The following ZCCHC7 variants were observed in gnomAD, a reference collection of about 807,000 sequenced individuals.
The protein encoded by ZCCHC7 is zinc finger CCHC-type containing 7.
ZCCHC7 carries 35 observed loss-of-function variants against 52.0 expected under a neutral mutation model. The ratio of observed to expected loss-of-function variants is 0.67; its 90% confidence interval spans 0.51 to 0.89. ZCCHC7 has a LOEUF of 0.89. ZCCHC7 is among the 40% of genes least tolerant of loss of function. ZCCHC7 has a pLI of 0.00. For missense variants in ZCCHC7, 574 were observed against 649.1 expected (o/e 0.88, Z 1.26); for synonymous variants, 217 against 221.5 (o/e 0.98, Z 0.18).
At chr9:37,297,368 A>T (rs1293388806) in intron 2 of ZCCHC7, among the ~76,000 whole-genome samples, 2 of 152,218 alleles carry the variant, frequency 1.3e-5, no homozygotes, top group Non-Finnish European at 2.9e-5. Flanking sequence ...CTTTTACATG[A>T]GAGAGATTCA....
Position 37,187,312 on chromosome 9 carries a change from T to C in ZCCHC7, c.610+60370T>C, listed in dbSNP as rs546193149. The stretch of plus-strand genomic sequence containing the variant: ...AGTTTCGAGATGAAACTGTTCCACC[T>C]CAGATCATCAGACATTAGATTATCA... On this transcript the variant is annotated intron_variant, in intron 2 of 8. Coordinates refer to ENST00000336755, the MANE Select transcript of ZCCHC7 (RefSeq NM_032226.3). Among the ~76,000 whole-genome samples the C allele has an allele frequency of 1.1e-4, 16 of 152,332 alleles. No homozygotes were observed. The South Asian group carries it at 3.3e-3, about 32-fold the overall frequency.
intron 2 of ZCCHC7, among the ~76,000 whole-genome samples, chr9:37,267,656 G>A (rs1227817105): frequency 1.4e-5 from 2 of 139,818 alleles, no homozygotes; most frequent in East Asian, 2.2e-4. Context: ...TGCAAGCTCC[G>A]CCTCCCAGCT....
intron 6 of ZCCHC7, among the ~76,000 whole-genome samples, chr9:37,340,928 A>G (rs1159051708): frequency 2.0e-5 from 3 of 152,200 alleles, no homozygotes; most frequent in African/African-American, 4.8e-5. Flanking sequence ...TTAGAATTTC[A>G]TAGCACAATA....
At chr9:37,127,015 A>T in intron 2 of ZCCHC7, 73 bp downstream of exon 2, 1 of 1,532,720 alleles carries the variant, frequency 6.5e-7, no homozygotes, top group Non-Finnish European at 8.8e-7. Context: ...TAGAGAAAAG[A>T]CCAATAGGGT....
In ZCCHC7 at chr9:37,126,665, A is replaced by G; in HGVS notation, c.333A>G (p.Gln111=). The G allele has an allele frequency of 6.2e-7, 1 of 1,614,208 alleles. No individual in the cohort carries two copies. Among genetic ancestry groups the G allele is most frequent in the Non-Finnish European group, 8.5e-7 (1 of 1,180,032 alleles). ...GTAAAGGAAAGAATGTTAGAGTTCA[A>G]GCACAAGAAAATGCCCATGGTCTTT... ...YRCKGKNVRV[Q]AQENAHGLSS... Residue 111 remains glutamine (Q), a synonymous_variant, in exon 2 of 9, where the codon CAA becomes CAG. Coordinates refer to ENST00000336755, the MANE Select transcript of ZCCHC7 (RefSeq NM_032226.3).
At chr9:37,355,022 C>A (rs367739699) in intron 8 of ZCCHC7, among the ~76,000 whole-genome samples, 198 bp downstream of exon 8, 6 of 152,182 alleles carry the variant, frequency 3.9e-5, no homozygotes, top group African/African-American at 1.4e-4. Context: ...AATCTCCTCA[C>A]AGTAAACATT....
At chr9:37,291,200 A>G (rs1363663202) in intron 2 of ZCCHC7, among the ~76,000 whole-genome samples, 1 of 152,240 alleles carries the variant, frequency 6.6e-6, no homozygotes, top group African/African-American at 2.4e-5. Flanking sequence ...TTTTAGATGA[A>G]TCAGAAGATG....
At chr9:37,277,465 G>GA (rs558259858) in intron 2 of ZCCHC7, among the ~76,000 whole-genome samples, 59 of 151,918 alleles carry the variant, frequency 3.9e-4, no homozygotes, top group African/African-American at 1.4e-3. Context: ...AACATAGTGA[G>GA]ACCCCCCCAT....
intron 1 of ZCCHC7, 197 bp downstream of exon 1, chr9:37,120,820 T>G: frequency 3.7e-6 from 1 of 271,262 alleles, no homozygotes; most frequent in Non-Finnish European, 6.8e-6. Flanking sequence ...GCTGCGGGTC[T>G]AGGGGGTCCG....
intron 2 of ZCCHC7, among the ~76,000 whole-genome samples, chr9:37,222,783 A>C (rs906880087): frequency 2.0e-5 from 3 of 152,154 alleles, no homozygotes; most frequent in Non-Finnish European, 4.4e-5. Flanking sequence ...AAGGGCTTTT[A>C]GTCTAATTGT....
chr9:37,280,884 T>G (rs750800454), intron 2 of ZCCHC7, among the ~76,000 whole-genome samples: 2 of 152,088 alleles, frequency 1.3e-5, no homozygotes, highest in Non-Finnish European at 2.9e-5. Context: ...TTTTTTATCC[T>G]CTTAATTTGT....
intron 2 of ZCCHC7, among the ~76,000 whole-genome samples, chr9:37,207,936 G>A (rs966741154): frequency 1.3e-5 from 2 of 151,826 alleles, no homozygotes; most frequent in Non-Finnish European, 2.9e-5. Context: ...TTTTATGACC[G>A]AGGTTTAGTG....
intron 2 of ZCCHC7, among the ~76,000 whole-genome samples, chr9:37,255,568 G>T (rs1826547288): frequency 6.6e-6 from 1 of 152,110 alleles, no homozygotes; most frequent in South Asian, 2.1e-4. Flanking sequence ...CTGACTACGG[G>T]TAACTGAAAC....
At chr9:37,340,337 T>C (rs1372847032) in intron 6 of ZCCHC7, among the ~76,000 whole-genome samples, 2 of 151,926 alleles carry the variant, frequency 1.3e-5, no homozygotes, top group African/African-American at 4.8e-5. Context: ...GGTTATTACT[T>C]CTATATATTG....
intron 2 of ZCCHC7, among the ~76,000 whole-genome samples, chr9:37,202,794 T>G (rs1823706827): frequency 6.6e-6 from 1 of 152,230 alleles, no homozygotes; most frequent in Non-Finnish European, 1.5e-5. Context: ...TATAAACTAC[T>G]TTAGAGTAGA....
intron 2 of ZCCHC7, among the ~76,000 whole-genome samples, chr9:37,286,671 A>C (rs1828222790): frequency 6.6e-6 from 1 of 152,032 alleles, no homozygotes; most frequent in African/African-American, 2.4e-5. Context: ...AGAAGGAAAG[A>C]AAAGAAAAAT....
chr9:37,309,069 A>G (rs1829473518), intron 5 of ZCCHC7, among the ~76,000 whole-genome samples: 1 of 151,964 alleles, frequency 6.6e-6, no homozygotes, highest in Non-Finnish European at 1.5e-5. Flanking sequence ...GACCAGCTTC[A>G]GAGAAGGCAG....
chr9:37,296,369 CTTAAG>C (rs1261827826), intron 2 of ZCCHC7, among the ~76,000 whole-genome samples: 1 of 152,154 alleles, frequency 6.6e-6, no homozygotes, highest in African/African-American at 2.4e-5. Context: ...TGCCCAAATA[CTTAAG>C]TTAACTGGTG....
At chr9:37,175,429 CGTG>C (rs1821965679) in intron 2 of ZCCHC7, among the ~76,000 whole-genome samples, 1 of 151,994 alleles carries the variant, frequency 6.6e-6, no homozygotes, top group African/African-American at 2.4e-5. Flanking sequence ...TTAGGCCAGG[CGTG>C]GTGGCTCATG....
Sources: gnomAD v4.1 joint callset for allele counts (sites outside exome capture counted in the v4.1 genomes callset) on GRCh38, gnomAD v4.1.1 for gene constraint, MANE v1.5 for transcripts, NCBI Gene and HGNC (gene_info 2026-07-23, HGNC 2026-07-21) for gene names.